Variants in FBXO28 observed in about 807,000 individuals in gnomAD.
FBXO28 encodes F-box only protein 28.
In FBXO28, 8 loss-of-function variants were observed where a neutral mutation model predicts 38.1. That is an observed-to-expected ratio of 0.21 (90% CI 0.12 to 0.38). The LOEUF is 0.38. Among genes scored for constraint, FBXO28 ranks in the 10% least tolerant of loss-of-function variants. The pLI, the probability that FBXO28 is intolerant of heterozygous loss-of-function variation, is 1.00. For synonymous variants in FBXO28, 168 were observed against 173.8 expected, an observed-to-expected ratio of 0.97 and a Z score of 0.26; for missense variants, 345 against 460.6, an observed-to-expected ratio of 0.75 and a Z score of 2.30.
At chr1:224,149,596 C>G (rs1657592875) in intron 3 of FBXO28, among the ~76,000 whole-genome samples, 4 of 149,494 alleles carry the variant, frequency 2.7e-5, no homozygotes, top group African/African-American at 9.8e-5. Flanking sequence ...ACCATCTTTA[C>G]CCCTTATTTA....
chr1:224,159,122 T>C lies in FBXO28; in HGVS notation c.*1376T>C, dbSNP rs774259409. 1 of 152,668 alleles carries C rather than the reference T, an allele frequency of 6.6e-6. No homozygotes were observed. Among genetic ancestry groups the C allele is most frequent in the Admixed American group, 6.5e-5 (1 of 15,278 alleles). 9.5% of individuals were successfully genotyped at this position (152,668 alleles called of 1,614,324 possible). On this transcript the variant is annotated 3_prime_UTR_variant, in exon 5 of 5. Coordinates refer to ENST00000366862, the MANE Select transcript of FBXO28 (RefSeq NM_015176.4). ...TTGTATTTTAATTTACTAAATTATGTAGCTATTTGACTGTTAAGTTCTTTT... is the reference window on the plus strand; with the variant it reads ...TTGTATTTTAATTTACTAAATTATGCAGCTATTTGACTGTTAAGTTCTTTT...
chr1:224,128,698 C>T (rs1388284268), intron 1 of FBXO28, among the ~76,000 whole-genome samples: 2 of 151,992 alleles, frequency 1.3e-5, no homozygotes, highest in Non-Finnish European at 2.9e-5. Flanking sequence ...ATAAAAACAC[C>T]ATATCTGGCT....
chr1:224,136,317 A>T (rs183286496), intron 3 of FBXO28, among the ~76,000 whole-genome samples: 12 of 152,036 alleles, frequency 7.9e-5, no homozygotes, highest in Admixed American at 7.9e-4. Context: ...CCACATGCTG[A>T]AGTAAGAACA....
Position 224,114,360 on chromosome 1 carries a change from C to A in FBXO28, c.231C>A (p.Ser77Arg). Residue 77 changes from serine to arginine, a missense_variant, in exon 1 of 5, where the codon AGC becomes AGA. Physicochemically the swap from Ser to Arg is moderately radical, Grantham distance 110. Transcript: ENST00000366862. ...TCGTAGCCATCGAGAACATCCTCAG[C>A]TTTATGTCCTACGACGAAATTAGCC... ...LPIVAIENIL[S>R]FMSYDEISQL... 6.3e-7 allele frequency: 1 copy of A among 1,597,740 alleles called. No individual in the cohort carries two copies. Among genetic ancestry groups the A allele is most frequent in the Admixed American group, 1.7e-5 (1 of 58,344 alleles).
rs566768578 is a variant in FBXO28, at chr1:224,135,700, T to C, written c.516+1488T>C. Among the ~76,000 whole-genome samples, 49 of 152,012 alleles carry C rather than the reference T, an allele frequency of 3.2e-4. 1 individual carries two copies. The highest frequency in any genetic ancestry group is 1.1e-3 in the African/African-American group (47 of 41,462). On this transcript the variant is annotated intron_variant, in intron 3 of 4. Transcript: ENST00000366862. ...AAGAAGTCACCAATTTCTGTGCTAG[T>C]TGATCAGGCTCACGTGTTTGGAATG...
intron 1 of FBXO28, among the ~76,000 whole-genome samples, chr1:224,128,725 G>A (rs1656963366): frequency 6.6e-6 from 1 of 152,106 alleles, no homozygotes; most frequent in Non-Finnish European, 1.5e-5. Context: ...GGTGGCTCAT[G>A]CCTATAACCA....
chr1:224,130,395 T>C (rs1657009815), intron 1 of FBXO28, 77 bp from the exon 2 acceptor site: 5 of 931,114 alleles, frequency 5.4e-6, no homozygotes, highest in Non-Finnish European at 8.7e-6. Flanking sequence ...TACAGAGAGC[T>C]TTAAGCCATC....
intron 1 of FBXO28, among the ~76,000 whole-genome samples, chr1:224,129,382 C>A (rs1335960564): frequency 6.6e-6 from 1 of 152,142 alleles, no homozygotes; most frequent in Admixed American, 6.5e-5. Context: ...AATATAAAGG[C>A]CTTGGCCATC....
rs375268683 is a variant in FBXO28, at chr1:224,141,387, T to C, written c.516+7175T>C. Among the ~76,000 whole-genome samples, 68 of 145,854 alleles carry C rather than the reference T, an allele frequency of 4.7e-4. 1 individual carries two copies. The East Asian group carries it at 0.013, about 27-fold the overall frequency. ...TTGGGAGGCTGAGGCAGGAGAATGG[T>C]GTGAACCCGGGAGGCGGAGCTTGCA... On this transcript the variant is annotated intron_variant, in intron 3 of 4. Coordinates refer to ENST00000366862, the MANE Select transcript of FBXO28 (RefSeq NM_015176.4).
intron 3 of FBXO28, among the ~76,000 whole-genome samples, chr1:224,140,537 C>G (rs992119391): frequency 6.6e-6 from 1 of 152,112 alleles, no homozygotes; most frequent in Admixed American, 6.6e-5. Context: ...TGTGGCGATA[C>G]TCTTAAAAAT....
chr1:224,132,813 A>C (rs960766718), intron 2 of FBXO28, among the ~76,000 whole-genome samples: 21 of 152,126 alleles, frequency 1.4e-4, no homozygotes, highest in African/African-American at 5.1e-4. Flanking sequence ...AAAAAAAAAA[A>C]AAAGAAAAAA....
chr1:224,148,485 C>T (rs987283442), intron 3 of FBXO28, among the ~76,000 whole-genome samples: 1 of 151,726 alleles, frequency 6.6e-6, no homozygotes, highest in African/African-American at 2.4e-5. Flanking sequence ...CCTGTCTCTA[C>T]TAAAAATACA....
At chr1:224,142,338 C>G (rs554793667) in intron 3 of FBXO28, among the ~76,000 whole-genome samples, 2 of 141,980 alleles carry the variant, frequency 1.4e-5, no homozygotes, top group Non-Finnish European at 3.0e-5. Flanking sequence ...GGCGACAGAG[C>G]AAGACTCTGC....
intron 2 of FBXO28, chr1:224,130,827 GA>G: frequency 2.6e-6 from 1 of 384,564 alleles, no homozygotes; most frequent in Non-Finnish European, 4.8e-6. Context: ...GGGAAAAGAA[GA>G]AATAGAACTC....
intron 3 of FBXO28, among the ~76,000 whole-genome samples, chr1:224,143,047 TAA>T (rs945447839): frequency 1.3e-5 from 2 of 151,502 alleles, no homozygotes; most frequent in Non-Finnish European, 2.9e-5. Context: ...GACTCTGTCT[TAA>T]ATAAATAAGC....
intron 2 of FBXO28, among the ~76,000 whole-genome samples, chr1:224,133,122 CAT>C (rs1558190359): frequency 6.6e-6 from 1 of 152,170 alleles, no homozygotes; most frequent in African/African-American, 2.4e-5. Context: ...AAGCCAGAAA[CAT>C]AAGGCTACTG....
rs1010235388 is a variant in FBXO28 at position 224,159,873 on chromosome 1, T to C, written c.*2127T>C. 5 of 152,228 alleles carry C rather than the reference T, an allele frequency of 3.3e-5. No homozygotes were observed. The highest frequency in any genetic ancestry group is 6.5e-5 in the Admixed American group (1 of 15,278). 9.4% of individuals were successfully genotyped at this position (152,228 alleles called of 1,614,324 possible). ...TACATCTAGATAGCCTAAACATCTATGTAGTCTTCCATTAGTTAACATGTG... is the reference window on the plus strand; with the variant it reads ...TACATCTAGATAGCCTAAACATCTACGTAGTCTTCCATTAGTTAACATGTG... On this transcript the variant is annotated 3_prime_UTR_variant, in exon 5 of 5. Transcript: ENST00000366862.
At chr1:224,153,109 A>G in intron 3 of FBXO28, 33 bp from the exon 4 acceptor site, 1 of 1,546,926 alleles carries the variant, frequency 6.5e-7, no homozygotes, top group Non-Finnish European at 8.7e-7. Context: ...AAAAAGAAAA[A>G]TCTAAAGTGC....
intron 1 of FBXO28, among the ~76,000 whole-genome samples, chr1:224,120,588 C>T (rs138315830): frequency 0.1 from 15,624 of 152,170 alleles, 1,042 homozygotes; most frequent in Non-Finnish European, 0.15. Context: ...TAGGGCTGGG[C>T]GTGGTGGCTC....
Sources: gnomAD v4.1 joint callset for allele counts (sites outside exome capture counted in the v4.1 genomes callset) on GRCh38, gnomAD v4.1.1 for gene constraint, MANE v1.5 for transcripts, NCBI Gene and HGNC (gene_info 2026-07-23, HGNC 2026-07-21) for gene names.